Variants in PCYOX1L observed in about 807,000 individuals in gnomAD.
The protein encoded by PCYOX1L is prenylcysteine oxidase 1-like.
PCYOX1L carries 40 observed loss-of-function variants against 44.1 expected under a neutral mutation model. The ratio of observed to expected loss-of-function variants is 0.91; its 90% CI spans 0.70 to 1.18. The LOEUF is 1.18. Ranked by LOEUF, PCYOX1L falls within the 50% of genes most tolerant of loss-of-function variation. The pLI is 0.00. For synonymous variants in PCYOX1L, 266 were observed against 282.8 expected (o/e 0.94, Z 0.60); for missense variants, 605 against 653.3 (o/e 0.93, Z 0.81).
In PCYOX1L at chr5:149,368,615, T is replaced by C. The variant is rs1338549294; in HGVS notation, c.1446T>C (p.Asp482=). The change falls in exon 6 of 6, where the codon GAT becomes GAC. Residue 482 remains aspartate, a synonymous_variant. Transcript: ENST00000274569. ...NRWYQDLDKI[D]QKDLMHKVKT... ...GGTACCAGGACCTAGACAAGATTGATCAAAAAGATTTGATGCACAAGGTCA... is the reference window on the plus strand; with the variant it reads ...GGTACCAGGACCTAGACAAGATTGACCAAAAAGATTTGATGCACAAGGTCA... The C allele has an allele frequency of 2.0e-6, 3 of 1,529,030 alleles. No homozygotes were observed. The highest frequency in any genetic ancestry group is 2.6e-6 in the Non-Finnish European group (3 of 1,143,862). 94.7% of individuals were successfully genotyped at this position (1,529,030 alleles called of 1,614,324 possible).
intron 3 of PCYOX1L, chr5:149,364,768 A>G (rs746942832): frequency 6.5e-6 from 1 of 152,892 alleles, no homozygotes; most frequent in Non-Finnish European, 1.5e-5. Context: ...ACTCATTTGC[A>G]AACTTTGTTG....
intron 3 of PCYOX1L, 60 bp from the exon 4 acceptor site, chr5:149,365,882 G>A: frequency 6.5e-7 from 1 of 1,549,506 alleles, no homozygotes; most frequent in Non-Finnish European, 8.9e-7. Flanking sequence ...ATAACCCAGG[G>A]GCAGGTGGTC....
chr5:149,367,137 A>C (rs1758237993), intron 4 of PCYOX1L, among the ~76,000 whole-genome samples: 1 of 152,000 alleles, frequency 6.6e-6, no homozygotes, highest in South Asian at 2.1e-4. Context: ...AGACCTCACA[A>C]TATGTGGTCT....
At position 149,361,637 on chromosome 5, in the gene PCYOX1L, C is replaced by CT. The variant is rs1165983277; in HGVS notation, c.89-992dup. ...TCCATCATAGAGTACATTCCAGTCTCTTTTTTTTGAGATGGAGTTTTGCTC... is the reference window on the plus strand; with the variant it reads ...TCCATCATAGAGTACATTCCAGTCTCTTTTTTTTTGAGATGGAGTTTTGCTC... On this transcript the variant is annotated intron_variant, in intron 1 of 5. Transcript: ENST00000274569. Among the ~76,000 whole-genome samples, 13 of 152,092 alleles carry CT rather than the reference C, an allele frequency of 8.5e-5. No individual in the cohort carries two copies. In the South Asian group the frequency reaches 2.5e-3, roughly 29 times the overall value.
chr5:149,360,214 C>T (rs1410097879), intron 1 of PCYOX1L, among the ~76,000 whole-genome samples: 1 of 152,272 alleles, frequency 6.6e-6, no homozygotes. Context: ...GGACAGAAGC[C>T]TGTTTGATTT....
chr5:149,364,047 C>T lies in PCYOX1L; in HGVS notation c.307C>T (p.Arg103Trp), dbSNP rs751631333. Residue 103 changes from arginine (R) to tryptophan (W), a missense_variant, in exon 3 of 6, where the codon CGG becomes TGG. Coordinates refer to ENST00000274569, the MANE Select transcript of PCYOX1L (RefSeq NM_024028.4). ...DFVKLLGLRH[R>W]REVVGRSAIF... Reference sequence around the variant, plus strand: ...CTTTGTCTCTGCAGGGCTGAGGCACCGGCGCGAGGTGGTGGGCAGGAGCGC... The same window carrying T: ...CTTTGTCTCTGCAGGGCTGAGGCACTGGCGCGAGGTGGTGGGCAGGAGCGC... 14 of 1,613,864 alleles carry T rather than the reference C, an allele frequency of 8.7e-6. 1 individual carries two copies. Among genetic ancestry groups the T allele is most frequent in the Middle Eastern group, 1.7e-4 (1 of 6,050 alleles).
chr5:149,368,507 C>G lies in PCYOX1L; in HGVS notation c.1338C>G (p.Leu446=), dbSNP rs1358618385. The change falls in exon 6 of 6, where the codon CTC becomes CTG. Residue 446 remains leucine (L), a synonymous_variant. Coordinates refer to ENST00000274569, the MANE Select transcript of PCYOX1L (RefSeq NM_024028.4). The part of the protein sequence containing the change: ...RFALHDQLFY[L]NALEWAASSV... ...CACTCCATGACCAGCTCTTCTACCT[C>G]AATGCCCTGGAGTGGGCGGCCAGCT... 1.2e-6 allele frequency: 2 copies of G among 1,612,204 alleles called. No homozygotes were observed. The highest frequency in any genetic ancestry group is 1.7e-5 in the Admixed American group (1 of 59,878).
At position 149,362,705 on chromosome 5, in the gene PCYOX1L, G is replaced by C; in HGVS notation, c.157G>C (p.Val53Leu). Residue 53 changes from valine (V) to leucine (L), a missense_variant, in exon 2 of 6, where the codon GTG becomes CTG. Coordinates refer to ENST00000274569, the MANE Select transcript of PCYOX1L (RefSeq NM_024028.4). ...TCTCCAGCAGCACTTTGGACCTCGG[G>C]TGCAGATCGACGTGTACGAGAAGGG... ...HFLQQHFGPRVQIDVYEKGTV... is the reference protein window; with the variant it reads ...HFLQQHFGPRLQIDVYEKGTV... 1.2e-6 allele frequency: 2 copies of C among 1,614,184 alleles called. No individual in the cohort carries two copies. Among genetic ancestry groups the C allele is most frequent in the Non-Finnish European group, 1.7e-6 (2 of 1,180,048 alleles).
rs776484555 is a variant in PCYOX1L, at chr5:149,363,988, GC to G, written c.296-44del. The G allele has an allele frequency of 9.4e-6, 15 of 1,597,686 alleles. No individual in the cohort carries two copies. The African/African-American group carries it at 1.5e-4, about 16-fold the overall frequency. On this transcript the variant is annotated intron_variant, in intron 2 of 5. Coordinates refer to ENST00000274569, the MANE Select transcript of PCYOX1L (RefSeq NM_024028.4). ...GGACCAGTCCATTTGCATCAAGAGGGCCCCAAGTCTTGGAGGGGACCTGAGG... is the reference window on the plus strand; with the variant it reads ...GGACCAGTCCATTTGCATCAAGAGGGCCCAAGTCTTGGAGGGGACCTGAGG...
rs1281699961 is a variant in PCYOX1L at position 149,368,176 on chromosome 5, T to A, written c.1007T>A (p.Leu336Ter). 1 of 1,613,996 alleles carries A rather than the reference T, an allele frequency of 6.2e-7. No individual in the cohort carries two copies. Among genetic ancestry groups the A allele is most frequent in the South Asian group, 1.1e-5 (1 of 91,066 alleles). Residue 336 changes from leucine (L) to a stop codon, truncating the protein, a stop_gained, in exon 6 of 6, where the codon TTG (leucine) becomes TAG (stop). Transcript: ENST00000274569. LOFTEE classifies it high-confidence loss of function. ...TCTTTCCAGCCCACCGTCGTCTCCT[T>A]GGTCCACGGCTACCTCAACTCGTCC... ...QGSFQPTVVS[L>*]VHGYLNSSYF...
intron 1 of PCYOX1L, among the ~76,000 whole-genome samples, chr5:149,358,818 T>G (rs918314625): frequency 6.6e-6 from 1 of 152,234 alleles, no homozygotes; most frequent in African/African-American, 2.4e-5. Context: ...ATACTTTATT[T>G]TGAAAATGTT....
chr5:149,367,855 G>A, intron 5 of PCYOX1L, 138 bp from the exon 6 acceptor site: 2 of 919,636 alleles, frequency 2.2e-6, no homozygotes, highest in Admixed American at 2.7e-5. Flanking sequence ...AGCATGGAGA[G>A]GCCAGGACCC....
chr5:149,365,354 G>A (rs753204238), intron 3 of PCYOX1L: 2 of 152,920 alleles, frequency 1.3e-5, no homozygotes, highest in Non-Finnish European at 2.9e-5. Flanking sequence ...CCCTAGAATG[G>A]GCAACATTTC....
In PCYOX1L at chr5:149,368,818, C is replaced by T; in HGVS notation, c.*164C>T. 1.8e-6 allele frequency: 1 copy of T among 540,958 alleles called. No individual in the cohort carries two copies. The highest frequency in any genetic ancestry group is 2.9e-6 in the Non-Finnish European group (1 of 350,250). The allele number at this position is 540,958 out of a possible 1,614,324, so 33.5% of individuals were successfully genotyped here. ...ACTGTCTGCCTATATTAAGGGTCCACACGGCGGCTGCTGCTTTTTTTTAAG... is the reference window on the plus strand; with the variant it reads ...ACTGTCTGCCTATATTAAGGGTCCATACGGCGGCTGCTGCTTTTTTTTAAG... On this transcript the variant is annotated 3_prime_UTR_variant, in exon 6 of 6. Transcript: ENST00000274569.
rs759217629 is a variant in PCYOX1L at position 149,362,713 on chromosome 5, C to T, written c.165C>T (p.Ile55=). 6.8e-6 allele frequency: 11 copies of T among 1,614,030 alleles called. No homozygotes were observed. The highest frequency in any genetic ancestry group is 1.6e-4 in the Middle Eastern group (1 of 6,084). ...AGCACTTTGGACCTCGGGTGCAGAT[C>T]GACGTGTACGAGAAGGGAACCGTGG... ...LQQHFGPRVQ[I]DVYEKGTVGG... Residue 55 remains isoleucine (I), a synonymous_variant, in exon 2 of 6, where the codon ATC becomes ATT. Coordinates refer to ENST00000274569, the MANE Select transcript of PCYOX1L (RefSeq NM_024028.4).
chr5:149,364,234 A>G (rs766225787), intron 3 of PCYOX1L, 24 bp downstream of exon 3: 4 of 1,612,412 alleles, frequency 2.5e-6, no homozygotes, highest in South Asian at 2.2e-5. Flanking sequence ...AGCTGTGGGG[A>G]TGGCGTTCCA....
At chr5:149,362,066 A>G (rs959814681) in intron 1 of PCYOX1L, 1 of 155,826 alleles carries the variant, frequency 6.4e-6, no homozygotes, top group Non-Finnish European at 1.4e-5. Flanking sequence ...CAGGCCATGC[A>G]GTCTCTGTTG....
At chr5:149,362,581 C>G in intron 1 of PCYOX1L, 56 bp from the exon 2 acceptor site, 4 of 1,557,480 alleles carry the variant, frequency 2.6e-6, no homozygotes, top group Non-Finnish European at 3.5e-6. Flanking sequence ...TGAACTACAG[C>G]CTCTCACTCT....
chr5:149,366,992 T>G (rs1273296909), intron 4 of PCYOX1L, among the ~76,000 whole-genome samples: 1 of 152,186 alleles, frequency 6.6e-6, no homozygotes, highest in Non-Finnish European at 1.5e-5. Flanking sequence ...TAGGACATTT[T>G]TATCACCCCA....
Sources: gnomAD v4.1 joint callset for allele counts (sites outside exome capture counted in the v4.1 genomes callset) on GRCh38, gnomAD v4.1.1 for gene constraint, MANE v1.5 for transcripts, NCBI Gene and HGNC (gene_info 2026-07-23, HGNC 2026-07-21) for gene names.